DOCK3: variants seen among roughly 807,000 people sequenced by gnomAD.
DOCK3 encodes dedicator of cytokinesis 3.
DOCK3 carries 60 observed loss-of-function variants against 265.6 expected under a neutral mutation model. The observed-to-expected ratio is 0.23, with a 90% CI of 0.18 to 0.28. The LOEUF (loss-of-function observed/expected upper bound fraction) is 0.28. Among genes scored for constraint, DOCK3 ranks in the 10% least tolerant of loss-of-function variants. The pLI is 1.00. For synonymous variants in DOCK3, 881 were observed against 938.0 expected (o/e 0.94, Z 1.11); for missense variants, 1,981 against 2,594.3 (o/e 0.76, Z 5.14).
chr3:51,095,568 T>C (rs1208119633), intron 9 of DOCK3, among the ~76,000 whole-genome samples: 3 of 152,138 alleles, frequency 2.0e-5, no homozygotes, highest in Admixed American at 1.3e-4. Context: ...AATACCAACT[T>C]GATGGTGGAA....
chr3:50,686,223 C>T (rs973256524), intron 1 of DOCK3, among the ~76,000 whole-genome samples: 3 of 151,922 alleles, frequency 2.0e-5, no homozygotes, highest in African/African-American at 7.3e-5. Context: ...TTGCTTATGT[C>T]CAGTCAATGC....
chr3:51,100,034 TA>T (rs986741519), intron 9 of DOCK3, among the ~76,000 whole-genome samples: 1 of 80,804 alleles, frequency 1.2e-5, no homozygotes, highest in African/African-American at 5.6e-5. Flanking sequence ...TAAGGATAAA[TA>T]AAAAAAACTA....
intron 1 of DOCK3, among the ~76,000 whole-genome samples, chr3:50,747,819 G>T (rs2039540997): frequency 6.6e-6 from 1 of 151,114 alleles, no homozygotes; most frequent in Non-Finnish European, 1.5e-5. Context: ...AGCCAAGATT[G>T]CGCCACTGCA....
At chr3:50,990,563 G>T (rs554914410) in intron 5 of DOCK3, among the ~76,000 whole-genome samples, 1 of 152,196 alleles carries the variant, frequency 6.6e-6, no homozygotes, top group South Asian at 2.1e-4. Flanking sequence ...CTGTATTAGG[G>T]TTCTCTAGAG....
At chr3:50,953,944 A>G (rs1047025122) in intron 5 of DOCK3, among the ~76,000 whole-genome samples, 3 of 152,162 alleles carry the variant, frequency 2.0e-5, no homozygotes, top group African/African-American at 7.2e-5. Context: ...ATGACATAAA[A>G]TTTACCATTT....
chr3:51,301,170 A>G (rs909209690), intron 27 of DOCK3, among the ~76,000 whole-genome samples: 11 of 151,906 alleles, frequency 7.2e-5, no homozygotes, highest in African/African-American at 2.2e-4. Context: ...TTTCTTCTAG[A>G]TTTTCTAATT....
At chr3:50,919,228 G>T (rs2050298027) in intron 4 of DOCK3, among the ~76,000 whole-genome samples, 1 of 152,178 alleles carries the variant, frequency 6.6e-6, no homozygotes, top group African/African-American at 2.4e-5. Flanking sequence ...GCTTAGGATT[G>T]TCTGGGCAAT....
intron 1 of DOCK3, among the ~76,000 whole-genome samples, chr3:50,731,758 C>A (rs1220903781): frequency 6.6e-6 from 1 of 152,124 alleles, no homozygotes; most frequent in Non-Finnish European, 1.5e-5. Flanking sequence ...CAGCTAACAT[C>A]ATTTTTAATA....
chr3:50,773,010 G>A (rs1240195581), intron 1 of DOCK3, among the ~76,000 whole-genome samples: 1 of 152,014 alleles, frequency 6.6e-6, no homozygotes, highest in African/African-American at 2.4e-5. Flanking sequence ...AAAACAGCTG[G>A]AGGCATCACA....
intron 51 of DOCK3, among the ~76,000 whole-genome samples, chr3:51,377,665 C>T (rs1014409821): frequency 2.7e-4 from 41 of 152,354 alleles, no homozygotes; most frequent in African/African-American, 9.9e-4. Context: ...TCTACTGGCC[C>T]CACTGCTCAC....
intron 2 of DOCK3, among the ~76,000 whole-genome samples, chr3:50,796,448 C>T (rs2042789713): frequency 6.6e-6 from 1 of 152,106 alleles, no homozygotes; most frequent in African/African-American, 2.4e-5. Context: ...AAGCTATTCT[C>T]CTGCCTCAGC....
intron 10 of DOCK3, among the ~76,000 whole-genome samples, chr3:51,155,018 C>CCAGG (rs1324508819): frequency 2.6e-5 from 4 of 151,930 alleles, no homozygotes; most frequent in Admixed American, 6.6e-5. Context: ...ACTCTGTGGC[C>CCAGG]CAGGCTTCAG....
chr3:50,873,903 G>A (rs1455046703), intron 3 of DOCK3, among the ~76,000 whole-genome samples: 2 of 152,308 alleles, frequency 1.3e-5, no homozygotes, highest in Non-Finnish European at 1.5e-5. Context: ...GCACTATGCA[G>A]TAGCTGCTAT....
At chr3:51,148,185 A>G (rs967716716) in intron 10 of DOCK3, among the ~76,000 whole-genome samples, 22 of 151,650 alleles carry the variant, frequency 1.5e-4, no homozygotes, top group African/African-American at 4.8e-4. Flanking sequence ...TTTTGATGGG[A>G]TTCTTTGTTT....
chr3:51,286,085 A>C (rs2081389012), intron 27 of DOCK3, among the ~76,000 whole-genome samples: 1 of 152,216 alleles, frequency 6.6e-6, no homozygotes, highest in Non-Finnish European at 1.5e-5. Flanking sequence ...CCTCTTTCCA[A>C]AAGTTCCTAG....
At chr3:50,978,135 C>T (rs1020523728) in intron 5 of DOCK3, among the ~76,000 whole-genome samples, 2 of 151,730 alleles carry the variant, frequency 1.3e-5, no homozygotes, top group African/African-American at 4.8e-5. Context: ...AAGCCTTCTT[C>T]TCTCAGCTCG....
intron 1 of DOCK3, among the ~76,000 whole-genome samples, chr3:50,704,414 T>A: frequency 6.6e-6 from 1 of 152,182 alleles, no homozygotes; most frequent in East Asian, 1.9e-4. Context: ...CTCTTTTTAG[T>A]TCTATTATTT....
intron 48 of DOCK3, 144 bp from the exon 49 acceptor site, chr3:51,362,383 A>G: frequency 8.8e-7 from 1 of 1,132,664 alleles, no homozygotes; most frequent in Non-Finnish European, 1.2e-6. Context: ...TTGCCCAGCC[A>G]TTAGCCTGGC....
At chr3:50,992,445 G>A (rs1261859606) in intron 5 of DOCK3, among the ~76,000 whole-genome samples, 2 of 152,050 alleles carry the variant, frequency 1.3e-5, no homozygotes, top group African/African-American at 2.4e-5. Context: ...CTACAGGCAC[G>A]TGCCACCATG....
Sources: gnomAD v4.1 joint callset for allele counts (sites outside exome capture counted in the v4.1 genomes callset) on GRCh38, gnomAD v4.1.1 for gene constraint, MANE v1.5 for transcripts, NCBI Gene and HGNC (gene_info 2026-07-23, HGNC 2026-07-21) for gene names.